UMODL1: variants seen among roughly 807,000 people sequenced by gnomAD.
UMODL1 encodes the protein uromodulin like 1, also known as uromodulin-like 1.
In UMODL1, 128 loss-of-function variants were observed where a neutral mutation model predicts 136.3. The observed-to-expected ratio is 0.94, with a 90% CI of 0.81 to 1.09. The LOEUF (loss-of-function observed/expected upper bound fraction) is 1.09. UMODL1 is among the 50% of genes least tolerant of loss of function. UMODL1 has a pLI of 0.00. For missense variants in UMODL1, 1,766 were observed against 1,725.6 expected (o/e 1.02, Z -0.41); for synonymous variants, 721 against 720.0 (o/e 1.00, Z -0.02).
rs747938255 is a variant in UMODL1, at chr21:42,123,093, T to G, written c.3090T>G (p.Asn1030Lys). Residue 1030 changes from asparagine to lysine, a missense_variant, in exon 17 of 23, where the codon AAT becomes AAG. Transcript: ENST00000408910. The surrounding 1 kb of genome is among the most constrained non-coding windows in gnomAD (Gnocchi z 4.4). ...SHPSCNVSHS[N>K]GTHVLLEAGW... is the part of the protein sequence containing the mutation. ...CCTCCTGCAACGTGAGCCACAGCAATGGCACACACGTGCTCCTGGAGGCCG... is the reference window on the plus strand; with the variant it reads ...CCTCCTGCAACGTGAGCCACAGCAAGGGCACACACGTGCTCCTGGAGGCCG... 4.3e-6 allele frequency: 7 copies of G among 1,614,076 alleles called. No individual in the cohort carries two copies. In the Admixed American group the frequency reaches 1.2e-4, roughly 27 times the overall value.
chr21:42,089,737 A>G (rs1276113253), intron 5 of UMODL1, among the ~76,000 whole-genome samples: 1 of 152,248 alleles, frequency 6.6e-6, no homozygotes, highest in Admixed American at 6.5e-5. Context: ...CATAGTTTGT[A>G]AAGAACTAAT....
intron 21 of UMODL1, among the ~76,000 whole-genome samples, chr21:42,135,290 C>G (rs1327067922): frequency 6.6e-6 from 1 of 152,254 alleles, no homozygotes; most frequent in Non-Finnish European, 1.5e-5. Context: ...TCAGGGCTTG[C>G]TCTCCACTTC....
At chr21:42,097,366 G>A (rs1377209451) in intron 6 of UMODL1, among the ~76,000 whole-genome samples, 3 of 152,178 alleles carry the variant, frequency 2.0e-5, no homozygotes, top group African/African-American at 4.8e-5. Context: ...CCTACACAGG[G>A]ACCAAGATTC....
At position 42,123,267 on chromosome 21, in the gene UMODL1, A is replaced by AG; in HGVS notation, c.3147+123dup. On this transcript the variant is annotated intron_variant, in intron 17 of 22. Coordinates refer to ENST00000408910, the MANE Select transcript of UMODL1 (RefSeq NM_001004416.3). The surrounding 1 kb of genome is among the most constrained non-coding windows in gnomAD (Gnocchi z 4.4). ...TCTGCACCCCGAGGGGAACCCAGCA[A>AG]GGGGGGTTCAGGACAGGGTTGAGTT... 1 of 1,202,770 alleles carries AG rather than the reference A, an allele frequency of 8.3e-7. No individual in the cohort carries two copies. The highest frequency in any genetic ancestry group is 1.1e-6 in the Non-Finnish European group (1 of 878,678). 74.5% of individuals were successfully genotyped at this position (1,202,770 alleles called of 1,614,324 possible).
chr21:42,080,999 C>T (rs1421354435), intron 2 of UMODL1, among the ~76,000 whole-genome samples: 15 of 152,234 alleles, frequency 9.9e-5, no homozygotes. Context: ...CGTACAAACA[C>T]GACTGTGCAC....
At chr21:42,136,882 C>T (rs375471699) in intron 21 of UMODL1, among the ~76,000 whole-genome samples, 4 of 152,026 alleles carry the variant, frequency 2.6e-5, no homozygotes, top group Non-Finnish European at 5.9e-5. Context: ...CTCAGCCTCC[C>T]GAGTAGCTGG....
chr21:42,070,773 C>T (rs2066222726), upstream of UMODL1, among the ~76,000 whole-genome samples: 1 of 152,236 alleles, frequency 6.6e-6, no homozygotes, highest in South Asian at 2.1e-4. Context: ...GTGCTCTCAG[C>T]CCAAGCTCCG....
chr21:42,082,004 C>T lies in UMODL1; in HGVS notation c.320-2080C>T, dbSNP rs377679319. Reference sequence around the variant, plus strand: ...CCCAACGTTCATTTTTCATGCACGGCCATCGGTAGAGCTGCCTGGATGATG... The same window carrying T: ...CCCAACGTTCATTTTTCATGCACGGTCATCGGTAGAGCTGCCTGGATGATG... On this transcript the variant is annotated intron_variant, in intron 2 of 22. Coordinates refer to ENST00000408910, the MANE Select transcript of UMODL1 (RefSeq NM_001004416.3). Among the ~76,000 whole-genome samples the T allele has an allele frequency of 1.1e-4, 16 of 152,296 alleles. No homozygotes were observed. In the East Asian group the frequency reaches 3.1e-3, roughly 29 times the overall value.
At chr21:42,064,205 T>C (rs1294205473) in intron 1 of UMODL1, among the ~76,000 whole-genome samples, 1 of 152,042 alleles carries the variant, frequency 6.6e-6, no homozygotes, top group Non-Finnish European at 1.5e-5. Flanking sequence ...TCTGATCTGA[T>C]TGGATTAATA....
Position 42,109,620 on chromosome 21 carries a change from C to A in UMODL1, c.1578C>A (p.Ile526=), listed in dbSNP as rs1168141660. 8 of 1,611,038 alleles carry A rather than the reference C, an allele frequency of 5.0e-6. No homozygotes were observed. Among genetic ancestry groups the A allele is most frequent in the Non-Finnish European group, 6.8e-6 (8 of 1,180,008 alleles). Residue 526 remains isoleucine (I), a synonymous_variant, in exon 10 of 23, where the codon ATC becomes ATA. Coordinates refer to ENST00000408910, the MANE Select transcript of UMODL1 (RefSeq NM_001004416.3). ...ACTGCTCACCGGCTGCCTGGTGCAT[C>A]AACCTGGAGGGCTCCTACACCTGCC... ...EHDCSPAAWC[I]NLEGSYTCQC... is the part of the protein sequence containing the mutation.
chr21:42,121,217 C>T lies in UMODL1; in HGVS notation c.2820C>T (p.Pro940=). The T allele has an allele frequency of 1.2e-6, 2 of 1,611,200 alleles. No individual in the cohort carries two copies. The highest frequency in any genetic ancestry group is 1.7e-6 in the Non-Finnish European group (2 of 1,178,672). The change falls in exon 16 of 23, where the codon CCC becomes CCT. Residue 940 remains proline (P), a synonymous_variant. Coordinates refer to ENST00000408910, the MANE Select transcript of UMODL1 (RefSeq NM_001004416.3). ...TCCCTGTGGAATATTCTGAGAGACC[C>T]TGTGAAGGTAATGTCGTCAGAGTTT... ...PDFPVEYSER[P]CEGDSPGNET...
intron 20 of UMODL1, among the ~76,000 whole-genome samples, chr21:42,128,814 G>A (rs935257630): frequency 6.6e-6 from 1 of 152,222 alleles, no homozygotes; most frequent in Non-Finnish European, 1.5e-5. Context: ...GGCACACAGT[G>A]TGTTTTTCAA....
chr21:42,136,576 G>A (rs567408303), intron 21 of UMODL1, among the ~76,000 whole-genome samples: 1 of 152,274 alleles, frequency 6.6e-6, no homozygotes, highest in South Asian at 2.1e-4. Flanking sequence ...TCCATTGCAC[G>A]GTGGGGCCAC....
chr21:42,077,939 G>A (rs2066314562), intron 2 of UMODL1, among the ~76,000 whole-genome samples: 2 of 152,188 alleles, frequency 1.3e-5, no homozygotes, highest in South Asian at 4.1e-4. Flanking sequence ...TGCAGGCTGG[G>A]CCATCCTGAG....
chr21:42,139,764 A>C (rs2067254223), intron 22 of UMODL1, among the ~76,000 whole-genome samples: 2 of 152,128 alleles, frequency 1.3e-5, no homozygotes, highest in African/African-American at 4.8e-5. Flanking sequence ...TCGTAACTCT[A>C]TCTAGGGAGG....
chr21:42,104,060 A>G lies in UMODL1; in HGVS notation c.1492A>G (p.Ile498Val), dbSNP rs752459967. Residue 498 changes from isoleucine to valine, a missense_variant, in exon 9 of 23, where the codon ATT becomes GTT. Transcript: ENST00000408910. ...CCTGTTGGCAAGCACAGTGTTCCAG[A>G]TTGACCGGCAGGGGACACGCGTGCA... is the stretch of plus-strand genomic sequence containing the variant. ...QPLLASTVFQ[I>V]DRQGTRVQDW... 1.3e-5 allele frequency: 21 copies of G among 1,612,940 alleles called. No homozygotes were observed. The highest frequency in any genetic ancestry group is 1.7e-5 in the Admixed American group (1 of 59,982).
intron 7 of UMODL1, 81 bp from the exon 8 acceptor site, chr21:42,102,085 A>G (rs1236206909): frequency 8.4e-6 from 9 of 1,074,514 alleles, no homozygotes; most frequent in Non-Finnish European, 9.6e-6. Flanking sequence ...ATCCCGCCAA[A>G]GAGTAGGCTT....
chr21:42,102,957 T>G lies in UMODL1; in HGVS notation c.1299+679T>G, dbSNP rs190174928. 8.5e-4 allele frequency: 131 copies of G among 154,108 alleles called. 1 individual carries two copies. Among genetic ancestry groups the G allele is most frequent in the Admixed American group, 2.6e-3 (41 of 15,652 alleles). The allele number at this position is 154,108 out of a possible 1,614,324, so 9.5% of individuals were successfully genotyped here. The stretch of plus-strand genomic sequence containing the variant: ...CTGCACCCGAGTCCCGCAGAGGTGA[T>G]GCAGAGGGGACCAGGGGCATGAAGC... On this transcript the variant is annotated intron_variant, in intron 8 of 22. Coordinates refer to ENST00000408910, the MANE Select transcript of UMODL1 (RefSeq NM_001004416.3).
At chr21:42,064,108 G>A (rs2066164419) in intron 1 of UMODL1, among the ~76,000 whole-genome samples, 1 of 152,146 alleles carries the variant, frequency 6.6e-6, no homozygotes, top group South Asian at 2.1e-4. Context: ...TGTCCCCAAG[G>A]CTGCTGGTGA....
Sources: allele counts gnomAD v4.1 joint callset (sites outside exome capture counted in the v4.1 genomes callset), GRCh38; gene constraint gnomAD v4.1.1; non-coding constraint Gnocchi (gnomAD v3.1); transcripts MANE v1.5; gene names NCBI Gene and HGNC (gene_info 2026-07-23, HGNC 2026-07-21).